Variants in RNF6 observed in about 807,000 individuals in gnomAD.
RNF6 encodes the protein E3 ubiquitin-protein ligase RNF6.
A neutral mutation model predicts 50.1 loss-of-function variants in RNF6; 21 were observed. The ratio of observed to expected loss-of-function variants is 0.42; its 90% CI spans 0.30 to 0.60. RNF6 has a LOEUF of 0.60. Ranked by LOEUF, RNF6 falls within the 20% of genes least tolerant of loss-of-function variation. RNF6 has a pLI of 0.20. For missense variants in RNF6, 698 were observed against 838.2 expected (o/e 0.83, Z 2.07); for synonymous variants, 255 against 291.8 (o/e 0.87, Z 1.29).
At chr13:26,152,236 A>G (rs116633252) in intron 5 of RNF6, among the ~76,000 whole-genome samples, 1,532 of 152,370 alleles carry the variant, frequency 0.01, 28 homozygotes, top group African/African-American at 0.034. Flanking sequence ...AACATATGAA[A>G]GGATTCAGTG....
chr13:26,197,151 C>G (rs1868697954), intron 5 of RNF6, among the ~76,000 whole-genome samples: 1 of 151,782 alleles, frequency 6.6e-6, no homozygotes, highest in Non-Finnish European at 1.5e-5. Flanking sequence ...TGACTTCTGG[C>G]AGGCAAAGGC....
chr13:26,182,301 C>T (rs568087692), intron 5 of RNF6, among the ~76,000 whole-genome samples: 23 of 152,118 alleles, frequency 1.5e-4, no homozygotes, highest in Non-Finnish European at 2.6e-4. Context: ...TCAGACCCAT[C>T]GATTTAAAGA....
Position 26,214,828 on chromosome 13 carries a change from C to T in RNF6, c.1054G>A (p.Glu352Lys). ...RRRGRTRVFL[E>K]QDRERERRGT... ...CTGCGTTCTCGTTCTCTATCTTGCT[C>T]TAAAAAGACTCGAGTTCTACCTCTC... Residue 352 changes from glutamate to lysine, a missense_variant, in exon 5 of 5, where the codon GAG (glutamate) becomes AAG (lysine). Coordinates refer to ENST00000381588, the MANE Select transcript of RNF6 (RefSeq NM_005977.4). The T allele has an allele frequency of 6.2e-7, 1 of 1,614,188 alleles. No individual in the cohort carries two copies.
intron 5 of RNF6, among the ~76,000 whole-genome samples, chr13:26,192,577 T>C (rs1868506079): frequency 6.6e-6 from 1 of 152,228 alleles, no homozygotes; most frequent in Non-Finnish European, 1.5e-5. Flanking sequence ...GATTATGTGA[T>C]ATTTTTACAT....
intron 5 of RNF6, among the ~76,000 whole-genome samples, chr13:26,169,257 G>A (rs1872579769): frequency 6.6e-6 from 1 of 152,156 alleles, no homozygotes; most frequent in Non-Finnish European, 1.5e-5. Flanking sequence ...GAGCCGTGGA[G>A]ACTAGGATGA....
intron 5 of RNF6, among the ~76,000 whole-genome samples, chr13:26,173,147 A>G (rs1872782844): frequency 6.6e-6 from 1 of 152,228 alleles, no homozygotes; most frequent in Admixed American, 6.5e-5. Context: ...GTATAAACGG[A>G]TACAACCATT....
chr13:26,202,100 C>T (rs1008639323), intron 5 of RNF6, among the ~76,000 whole-genome samples: 11 of 152,172 alleles, frequency 7.2e-5, no homozygotes, highest in Admixed American at 3.9e-4. Context: ...AAGCTAACAG[C>T]GGTAAACTTG....
intron 5 of RNF6, among the ~76,000 whole-genome samples, chr13:26,157,149 G>T (rs1871970120): frequency 6.6e-6 from 1 of 152,110 alleles, no homozygotes; most frequent in African/African-American, 2.4e-5. Flanking sequence ...AATTGGTTGT[G>T]GTGATGGTTG....
At chr13:26,200,405 CT>C (rs3030059) in intron 5 of RNF6, among the ~76,000 whole-genome samples, 31 of 107,392 alleles carry the variant, frequency 2.9e-4, no homozygotes, top group African/African-American at 1.1e-3. Context: ...GTTTGAAATT[CT>C]TTTTTTTTTT....
chr13:26,151,390 G>A (rs1488113730), intron 5 of RNF6, among the ~76,000 whole-genome samples: 1 of 152,032 alleles, frequency 6.6e-6, no homozygotes, highest in Admixed American at 6.5e-5. Context: ...AGCTTCCTGA[G>A]TAGCTGGGAT....
chr13:26,198,917 A>T (rs1300271413), intron 5 of RNF6, among the ~76,000 whole-genome samples: 1 of 151,992 alleles, frequency 6.6e-6, no homozygotes, highest in Non-Finnish European at 1.5e-5. Flanking sequence ...TTAGGCATAA[A>T]TTTAACAAGA....
chr13:26,160,852 C>T (rs1872179793), intron 5 of RNF6, among the ~76,000 whole-genome samples: 1 of 152,088 alleles, frequency 6.6e-6, no homozygotes, highest in Admixed American at 6.6e-5. Context: ...TGTGGCCTTC[C>T]CTCTGGGCAT....
chr13:26,148,321 A>T (rs927157611), intron 5 of RNF6, among the ~76,000 whole-genome samples: 1 of 152,048 alleles, frequency 6.6e-6, no homozygotes, highest in Non-Finnish European at 1.5e-5. Flanking sequence ...GGGGACACAG[A>T]TGCAAACCAT....
At chr13:26,188,885 C>T (rs1171082256) in intron 5 of RNF6, among the ~76,000 whole-genome samples, 1 of 151,838 alleles carries the variant, frequency 6.6e-6, no homozygotes, top group Non-Finnish European at 1.5e-5. Flanking sequence ...ACCTTGGCCT[C>T]CCAAAGTGAT....
intron 2 of RNF6, among the ~76,000 whole-genome samples, chr13:26,220,570 A>G (rs1441427615): frequency 6.6e-6 from 1 of 152,228 alleles, no homozygotes; most frequent in East Asian, 1.9e-4. Flanking sequence ...AATGGTTCTC[A>G]AACTCACTTA....
At chr13:26,202,046 G>A (rs564038214) in intron 5 of RNF6, among the ~76,000 whole-genome samples, 1 of 152,324 alleles carries the variant, frequency 6.6e-6, no homozygotes, top group South Asian at 2.1e-4. Context: ...CTTATTCTGA[G>A]AGCGGAGCCC....
intron 5 of RNF6, among the ~76,000 whole-genome samples, chr13:26,175,138 T>C (rs868777605): frequency 3.4e-4 from 52 of 152,234 alleles, no homozygotes; most frequent in Non-Finnish European, 6.6e-4. Context: ...TGGAGTGCAA[T>C]GGCGTGATCT....
At chr13:26,206,204 T>C (rs35328831) in intron 5 of RNF6, among the ~76,000 whole-genome samples, 30,314 of 135,802 alleles carry the variant, frequency 0.22, 3,580 homozygotes, top group East Asian at 0.44. Context: ...CCCTCCCCAC[T>C]GCCCCCCGTC....
chr13:26,209,784 G>GATATAT (rs1165114430), downstream of RNF6, among the ~76,000 whole-genome samples: 9 of 145,458 alleles, frequency 6.2e-5, no homozygotes, highest in South Asian at 2.2e-4. Context: ...GAGAAGATGT[G>GATATAT]AGATATATAT....
Sources: gnomAD v4.1 joint callset for allele counts (sites outside exome capture counted in the v4.1 genomes callset) on GRCh38, gnomAD v4.1.1 for gene constraint, MANE v1.5 for transcripts, NCBI Gene and HGNC (gene_info 2026-07-23, HGNC 2026-07-21) for gene names.